Variants in SUGCT observed in about 807,000 individuals in gnomAD.
SUGCT encodes the protein succinyl-CoA:glutarate CoA-transferase.
A neutral mutation model predicts 55.0 loss-of-function variants in SUGCT; 41 were observed. The ratio of observed to expected loss-of-function variants is 0.74; its 90% CI spans 0.58 to 0.97. SUGCT has a LOEUF of 0.97. Among genes scored for constraint, SUGCT ranks in the 50% least tolerant of loss-of-function variants. The pLI is 0.00. For missense variants in SUGCT, 568 were observed against 547.8 expected (o/e 1.04, Z -0.37); for synonymous variants, 187 against 200.4 (o/e 0.93, Z 0.56).
intron 13 of SUGCT, among the ~76,000 whole-genome samples, chr7:40,792,455 G>A (rs1225859250): frequency 6.6e-6 from 1 of 152,080 alleles, no homozygotes; most frequent in Non-Finnish European, 1.5e-5. Flanking sequence ...TTGATGAGAA[G>A]GATATTTCAA....
the SUGCT span, among the ~76,000 whole-genome samples, chr7:41,037,740 CTT>C: frequency 4.4e-5 from 6 of 136,656 alleles, no homozygotes; most frequent in African/African-American, 1.3e-4. Context: ...CATGTGTGCA[CTT>C]TTTTTTTTTT....
intron 12 of SUGCT, among the ~76,000 whole-genome samples, chr7:40,697,046 GGTA>G (rs1268268968): frequency 3.3e-5 from 5 of 152,176 alleles, no homozygotes; most frequent in East Asian, 3.9e-4. Context: ...TGCATAGTAT[GGTA>G]GTAGCGGATA....
chr7:40,310,203 G>C (rs1352252483), intron 8 of SUGCT, among the ~76,000 whole-genome samples: 1 of 152,144 alleles, frequency 6.6e-6, no homozygotes, highest in Non-Finnish European at 1.5e-5. Flanking sequence ...TGTTGAAATT[G>C]GTGCTGTTCT....
rs36065047 is a variant in SUGCT at position 40,580,328 on chromosome 7, A to T, written c.1089+83942A>T. Among the ~76,000 whole-genome samples, 975 of 152,306 alleles carry T rather than the reference A, an allele frequency of 6.4e-3. 6 individuals carry two copies. The highest frequency in any genetic ancestry group is 0.014 in the South Asian group (66 of 4,822). ...AATGATAGTTTGCTGAAAGGTAGAG[A>T]CCATTCTATAATACTTAGAAAATAT... is the stretch of plus-strand genomic sequence containing the variant. On this transcript the variant is annotated intron_variant, in intron 12 of 13. Transcript: ENST00000335693.
intron 9 of SUGCT, among the ~76,000 whole-genome samples, chr7:40,350,700 G>A (rs1583486267): frequency 6.6e-6 from 1 of 151,962 alleles, no homozygotes; most frequent in East Asian, 1.9e-4. Context: ...GTGTAGGTTT[G>A]TTACATAGGT....
intron 7 of SUGCT, among the ~76,000 whole-genome samples, chr7:40,238,108 T>C (rs1380933081): frequency 6.6e-6 from 1 of 152,206 alleles, no homozygotes; most frequent in African/African-American, 2.4e-5. Context: ...TTGACTAGAC[T>C]AGACCACGGA....
At chr7:40,664,426 C>T (rs1330777404) in intron 12 of SUGCT, among the ~76,000 whole-genome samples, 1 of 152,120 alleles carries the variant, frequency 6.6e-6, no homozygotes, top group Admixed American at 6.5e-5. Context: ...CTAGGGTCAC[C>T]TGGGGAGCTT....
chr7:40,762,979 A>T lies in SUGCT; in HGVS notation c.1153+13482A>T, dbSNP rs563845169. Among the ~76,000 whole-genome samples the T allele has an allele frequency of 2.0e-5, 3 of 151,826 alleles. No homozygotes were observed. The South Asian group carries it at 6.3e-4, about 32-fold the overall frequency. On this transcript the variant is annotated intron_variant, in intron 13 of 13. Transcript: ENST00000335693. ...AGGTGCCCACCGTCATGCCCAGCTA[A>T]TTTTTGTATTTTTTTTTAGTAGAGA... is the stretch of plus-strand genomic sequence containing the variant.
intron 11 of SUGCT, among the ~76,000 whole-genome samples, chr7:40,465,982 C>T (rs1790087549): frequency 2.0e-5 from 3 of 152,120 alleles, no homozygotes; most frequent in South Asian, 2.1e-4. Context: ...CCTAGGCTCA[C>T]GTAATCCTCC....
Position 40,428,522 on chromosome 7 carries a change from CTGTGTGTGTGTGTG to C in SUGCT, c.817-20743_817-20730del, listed in dbSNP as rs56017526. On this transcript the variant is annotated intron_variant, in intron 9 of 13. Coordinates refer to ENST00000335693, the MANE Select transcript of SUGCT (RefSeq NM_001193313.2). ...TGCTCTCTCTCTTTCTCTGTCTCTG[CTGTGTGTGTGTGTG>C]TGTGTGTGTGTGTGTGTGTGTCCTG... Among the ~76,000 whole-genome samples, 19 of 149,176 alleles carry C rather than the reference CTGTGTGTGTGTGTG, an allele frequency of 1.3e-4. 1 individual carries two copies. Among genetic ancestry groups the C allele is most frequent in the Non-Finnish European group, 4.5e-5 (3 of 67,166 alleles).
At chr7:40,634,369 G>A (rs1456729035) in intron 12 of SUGCT, among the ~76,000 whole-genome samples, 1 of 152,178 alleles carries the variant, frequency 6.6e-6, no homozygotes, top group Non-Finnish European at 1.5e-5. Context: ...GTGATGTCAA[G>A]GGCTGTGGTA....
chr7:40,791,577 A>G (rs1406561279), intron 13 of SUGCT, among the ~76,000 whole-genome samples: 1 of 152,160 alleles, frequency 6.6e-6, no homozygotes, highest in African/African-American at 2.4e-5. Context: ...TTTTAGGAGA[A>G]AGATGATAGT....
chr7:40,334,560 G>T (rs755664529), intron 9 of SUGCT, among the ~76,000 whole-genome samples: 1 of 152,198 alleles, frequency 6.6e-6, no homozygotes, highest in East Asian at 1.9e-4. Flanking sequence ...CTTTTGAGAA[G>T]TGTCTGTTCA....
At chr7:40,565,086 C>T (rs1204768090) in intron 12 of SUGCT, among the ~76,000 whole-genome samples, 2 of 152,126 alleles carry the variant, frequency 1.3e-5, no homozygotes, top group Admixed American at 6.6e-5. Context: ...TGGATGTGGG[C>T]AGTTGTTATT....
intron 9 of SUGCT, among the ~76,000 whole-genome samples, chr7:40,340,402 T>G (rs1002274720): frequency 2.0e-5 from 3 of 152,120 alleles, no homozygotes; most frequent in Non-Finnish European, 4.4e-5. Context: ...ACATTATTCC[T>G]CAATTTAAGA....
chr7:40,736,026 GAAGA>G (rs1478145553), intron 12 of SUGCT, among the ~76,000 whole-genome samples: 2 of 151,734 alleles, frequency 1.3e-5, no homozygotes, highest in African/African-American at 4.8e-5. Context: ...AGATTAGATA[GAAGA>G]GAGAATTCAT....
intron 6 of SUGCT, among the ~76,000 whole-genome samples, chr7:40,219,433 A>G (rs4723934): frequency 0.39 from 58,836 of 152,174 alleles, 12,777 homozygotes; most frequent in Middle Eastern, 0.59. Flanking sequence ...GAGAAGAAAT[A>G]CACACATGTA....
At chr7:41,003,702 C>T in the SUGCT span, among the ~76,000 whole-genome samples, 1 of 152,208 alleles carries the variant, frequency 6.6e-6, no homozygotes, top group Admixed American at 6.5e-5. Flanking sequence ...CTGCCAACCC[C>T]ATCCAAGATC....
Position 40,461,620 on chromosome 7 carries a change from A to G in SUGCT, c.986+2422A>G, listed in dbSNP as rs540784650. 4.6e-5 allele frequency among the ~76,000 whole-genome samples: 7 copies of G among 152,218 alleles called. No homozygotes were observed. The South Asian group carries it at 6.2e-4, about 14-fold the overall frequency. On this transcript the variant is annotated intron_variant, in intron 11 of 13. Coordinates refer to ENST00000335693, the MANE Select transcript of SUGCT (RefSeq NM_001193313.2). The stretch of plus-strand genomic sequence containing the variant: ...GTTGCCATTGCCAAACAGAAGTACA[A>G]TCAACGTTAGTTGTCATTATGAATG...
Sources: allele counts gnomAD v4.1 joint callset (sites outside exome capture counted in the v4.1 genomes callset), GRCh38; gene constraint gnomAD v4.1.1; transcripts MANE v1.5; gene names NCBI Gene and HGNC (gene_info 2026-07-23, HGNC 2026-07-21).